ATP7A: variants seen among roughly 807,000 people sequenced by gnomAD.
ATP7A encodes the protein copper-transporting ATPase 1.
In ATP7A, 7 loss-of-function variants were observed where a neutral mutation model predicts 83.5. The observed-to-expected ratio is 0.08, with a 90% CI of 0.05 to 0.16. The LOEUF (loss-of-function observed/expected upper bound fraction) is 0.16. ATP7A is among the 10% of genes least tolerant of loss of function. ATP7A has a pLI of 1.00. For missense variants in ATP7A, 940 were observed against 1,120.8 expected (o/e 0.84, Z 2.30); for synonymous variants, 354 against 395.2 (o/e 0.90, Z 1.24).
At chrX:77,966,486 A>G (rs1270419093) in intron 1 of ATP7A, among the ~76,000 whole-genome samples, 1 of 112,588 alleles carries the variant, frequency 8.9e-6, no homozygotes, top group Non-Finnish European at 1.9e-5. Flanking sequence ...CATTTTACAC[A>G]TCAATGTACC....
chrX:77,995,227 G>T (rs1287028159), intron 4 of ATP7A, among the ~76,000 whole-genome samples: 1 of 111,492 alleles, frequency 9.0e-6, no homozygotes, highest in Non-Finnish European at 1.9e-5. Context: ...GACACATTTT[G>T]CCTTTGTATC....
intron 1 of ATP7A, among the ~76,000 whole-genome samples, chrX:77,957,983 G>A (rs2077454440): frequency 9.0e-6 from 1 of 111,163 alleles, no homozygotes; most frequent in East Asian, 2.8e-4. Flanking sequence ...TGTGGGAGGC[G>A]ATTGGATCAT....
chrX:77,917,462 A>G (rs2077190987), intron 1 of ATP7A, among the ~76,000 whole-genome samples: 1 of 111,700 alleles, frequency 9.0e-6, no homozygotes, highest in African/African-American at 3.3e-5. Context: ...CAACAAACTG[A>G]TATTTACAGA....
At chrX:78,018,675 A>C (rs1324055690) in intron 12 of ATP7A, among the ~76,000 whole-genome samples, 1 of 111,381 alleles carries the variant, frequency 9.0e-6, no homozygotes, top group African/African-American at 3.3e-5. Flanking sequence ...GCAGTGTCCT[A>C]CTCCCTGTGG....
intron 5 of ATP7A, among the ~76,000 whole-genome samples, chrX:77,999,955 G>A (rs954511333): frequency 5.5e-5 from 6 of 108,331 alleles, no homozygotes; most frequent in Non-Finnish European, 9.6e-5. Flanking sequence ...TGAGATCAAA[G>A]TCATAGATTT....
chrX:77,951,354 A>G lies in ATP7A; in HGVS notation c.-21-20267A>G, dbSNP rs782217064. 2.2e-3 allele frequency among the ~76,000 whole-genome samples: 243 copies of G among 110,964 alleles called. 1 individual carries two copies. The highest frequency in any genetic ancestry group is 0.011 in the South Asian group (30 of 2,685). ...AGTATTTTTTACTTTTTATTTTTAC[A>G]TCTTGTTCTTTAACTTGGAATTAAT... On this transcript the variant is annotated intron_variant, in intron 1 of 22. Transcript: ENST00000341514.
chrX:77,942,172 G>A (rs1284138960), intron 1 of ATP7A, among the ~76,000 whole-genome samples: 1 of 111,982 alleles, frequency 8.9e-6, no homozygotes. Flanking sequence ...GTTGGATTGA[G>A]TCTAAAAAAG....
At chrX:77,943,246 G>T (rs2077361047) in intron 1 of ATP7A, among the ~76,000 whole-genome samples, 2 of 112,385 alleles carry the variant, frequency 1.8e-5, no homozygotes, top group African/African-American at 6.5e-5. Flanking sequence ...TAATCTTACA[G>T]ATTTGAAAAT....
chrX:77,966,897 C>A, intron 1 of ATP7A: 1 of 306,609 alleles, frequency 3.3e-6, no homozygotes, highest in Non-Finnish European at 6.4e-6. Context: ...TAAGTTTCCT[C>A]CCCTCACCCC....
chrX:77,958,685 G>A (rs2077458601), intron 1 of ATP7A, among the ~76,000 whole-genome samples: 3 of 110,061 alleles, frequency 2.7e-5, no homozygotes, highest in African/African-American at 9.9e-5. Flanking sequence ...GCTTTGGGTA[G>A]TATGGCCATT....
At chrX:78,026,642 C>T (rs1161304664) in intron 14 of ATP7A, among the ~76,000 whole-genome samples, 3 of 111,926 alleles carry the variant, frequency 2.7e-5, no homozygotes, top group Non-Finnish European at 5.6e-5. Context: ...ATATTCTTCT[C>T]ATATGAACAT....
At position 78,003,207 on chromosome X, in the gene ATP7A, G is replaced by A. The variant is rs1557233389; in HGVS notation, c.1678G>A (p.Asp560Asn). The A allele has an allele frequency of 8.3e-7, 1 of 1,210,645 alleles. No individual in the cohort carries two copies. The highest frequency in any genetic ancestry group is 1.1e-6 in the Non-Finnish European group (1 of 894,864). ...TGGAGCCACTGTGATAGAAAATGCT[G>A]ATGAAGGAGATGGTGTTTTGGAACT... Reference protein sequence around the residue: ...GFGATVIENADEGDGVLELVV... With the variant: ...GFGATVIENANEGDGVLELVV... The change falls in exon 6 of 23, where the codon GAT becomes AAT. Residue 560 changes from aspartate (D) to asparagine (N), a missense_variant. Asp to Asn is a conservative substitution (Grantham distance 23, BLOSUM62 1). Transcript: ENST00000341514.
intron 2 of ATP7A, among the ~76,000 whole-genome samples, chrX:77,985,351 A>AATTTCT (rs1557231270): frequency 1.0e-5 from 1 of 100,019 alleles, no homozygotes; most frequent in Non-Finnish European, 2.0e-5. Flanking sequence ...AAATGAGAAC[A>AATTTCT]ATTTCTGATT....
intron 17 of ATP7A, 25 bp from the exon 18 acceptor site, chrX:78,038,811 A>G (rs782753562): frequency 7.5e-6 from 9 of 1,206,007 alleles, no homozygotes; most frequent in Non-Finnish European, 9.0e-6. Context: ...AACTTACTAA[A>G]TGTTATTTCT....
rs879981699 is a variant in ATP7A, at chrX:77,998,570, C to T, written c.1429C>T (p.Pro477Ser). 20 of 1,209,844 alleles carry T rather than the reference C, an allele frequency of 1.7e-5. No individual in the cohort carries two copies. In the South Asian group the frequency reaches 3.2e-4, roughly 19 times the overall value. The change falls in exon 5 of 23, where the codon CCA (proline) becomes TCA (serine). Residue 477 changes from proline (P) to serine (S), a missense_variant. This residue lies in a region of ATP7A where 350 missense variants were observed against 432.8 expected (regional missense o/e 0.81). Transcript: ENST00000341514. ...TNEFYTKGMT[P>S]VQDKEEGKNS... is the part of the protein sequence containing the mutation. ...TGAATTTTATACTAAAGGGATGACACCAGTTCAAGACAAGGAGGAAGGAAA... is the reference window on the plus strand; with the variant it reads ...TGAATTTTATACTAAAGGGATGACATCAGTTCAAGACAAGGAGGAAGGAAA...
intron 1 of ATP7A, among the ~76,000 whole-genome samples, chrX:77,966,310 A>G (rs1284243681): frequency 2.7e-5 from 3 of 112,313 alleles, no homozygotes; most frequent in Non-Finnish European, 3.8e-5. Flanking sequence ...AAAAACTCTT[A>G]GAAGAAAACA....
At chrX:77,917,645 T>C (rs139198989) in intron 1 of ATP7A, among the ~76,000 whole-genome samples, 1,599 of 112,369 alleles carry the variant, frequency 0.014, 26 homozygotes, top group African/African-American at 0.049. Context: ...AGCAAAACAA[T>C]ACATTTGCCT....
chrX:77,939,068 A>T (rs1384428579), intron 1 of ATP7A, among the ~76,000 whole-genome samples: 1 of 111,344 alleles, frequency 9.0e-6, no homozygotes, highest in African/African-American at 3.3e-5. Flanking sequence ...GGCCGAGGCA[A>T]GTGGACAACT....
intron 12 of ATP7A, among the ~76,000 whole-genome samples, chrX:78,016,682 A>C (rs2077866691): frequency 1.8e-5 from 2 of 112,036 alleles, no homozygotes; most frequent in Admixed American, 1.9e-4. Flanking sequence ...GCCCCATGCA[A>C]GTCCAAAATC....
Sources: allele counts gnomAD v4.1 joint callset (sites outside exome capture counted in the v4.1 genomes callset), GRCh38; gene constraint gnomAD v4.1.1; regional missense constraint gnomAD v4.1.1; transcripts MANE v1.5; gene names NCBI Gene and HGNC (gene_info 2026-07-23, HGNC 2026-07-21).